GPR157: variants seen among roughly 807,000 people sequenced by gnomAD.
GPR157 encodes the protein G protein-coupled receptor 157, also known as G-protein coupled receptor 157.
In GPR157, 16 loss-of-function variants were observed where a neutral mutation model predicts 23.5. The ratio of observed to expected loss-of-function variants is 0.68; its 90% CI spans 0.46 to 1.04. The LOEUF (loss-of-function observed/expected upper bound fraction) is 1.04. GPR157 is among the 50% of genes least tolerant of loss of function. GPR157 has a pLI of 0.00. For synonymous variants in GPR157, 200 were observed against 221.5 expected (o/e 0.90, Z 0.86); for missense variants, 440 against 460.7 (o/e 0.96, Z 0.41).
In GPR157 at chr1:9,125,609, C is replaced by T. The variant is rs1189371985; in HGVS notation, c.383+3036G>A. Among the ~76,000 whole-genome samples the T allele has an allele frequency of 2.0e-5, 3 of 152,184 alleles. No homozygotes were observed. In the East Asian group the frequency reaches 5.8e-4, roughly 29 times the overall value. On this transcript the variant is annotated intron_variant, in intron 1 of 3. Coordinates refer to ENST00000377411, the MANE Select transcript of GPR157 (RefSeq NM_024980.5). Reference sequence around the variant, plus strand: ...CTGTAATCAGTGTTAGCGATGGTTTCTGTCACTTCGCATTGAATCATATCA... The same window carrying T: ...CTGTAATCAGTGTTAGCGATGGTTTTTGTCACTTCGCATTGAATCATATCA...
chr1:9,121,161 C>A (rs1055083871), intron 1 of GPR157, among the ~76,000 whole-genome samples: 1 of 151,858 alleles, frequency 6.6e-6, no homozygotes, highest in African/African-American at 2.4e-5. Flanking sequence ...GGTAAAATCC[C>A]GTCTTTACTA....
intron 2 of GPR157, 89 bp downstream of exon 2, chr1:9,111,187 T>C (rs1638482245): frequency 1.6e-6 from 2 of 1,235,784 alleles, no homozygotes; most frequent in African/African-American, 3.0e-5. Flanking sequence ...ACGCAACCTG[T>C]CCCCTCGGGG....
chr1:9,119,843 T>C (rs1638761818), intron 1 of GPR157, among the ~76,000 whole-genome samples: 1 of 152,224 alleles, frequency 6.6e-6, no homozygotes, highest in Admixed American at 6.5e-5. Context: ...GTGGAAGTAC[T>C]GCCGGGGATT....
intron 2 of GPR157, among the ~76,000 whole-genome samples, chr1:9,110,875 G>C (rs536898352): frequency 2.2e-4 from 33 of 151,762 alleles, no homozygotes; most frequent in Non-Finnish European, 4.3e-4. Flanking sequence ...CCGGCCTTGG[G>C]TCTGTCCTCA....
chr1:9,111,376 T>C lies in GPR157; in HGVS notation c.497A>G (p.His166Arg). Residue 166 changes from histidine to arginine, a missense_variant, in exon 2 of 4, where the codon CAT becomes CGT. Transcript: ENST00000377411. ...WCWIDLEAKD[H>R]VLWMLLTGKL... is the part of the protein sequence containing the mutation. ...CCCCGTCAGCAGCATCCACAGGACA[T>C]GGTCCTTGGCCTCCAGGTCGATCCA... 3 of 1,614,192 alleles carry C rather than the reference T, an allele frequency of 1.9e-6. No individual in the cohort carries two copies. The highest frequency in any genetic ancestry group is 2.5e-6 in the Non-Finnish European group (3 of 1,180,028).
chr1:9,111,598 G>C (rs1638498810), intron 1 of GPR157, 109 bp from the exon 2 acceptor site: 4 of 806,782 alleles, frequency 5.0e-6, no homozygotes, highest in Non-Finnish European at 8.1e-6. Context: ...ATGCTCTCCA[G>C]AGCCTGGATG....
chr1:9,124,589 C>T (rs1264510162), intron 1 of GPR157, among the ~76,000 whole-genome samples: 1 of 152,154 alleles, frequency 6.6e-6, no homozygotes, highest in Non-Finnish European at 1.5e-5. Context: ...ACGCCCTCAC[C>T]TATAAACACC....
chr1:9,111,551 T>C, intron 1 of GPR157, 62 bp from the exon 2 acceptor site: 4 of 1,390,028 alleles, frequency 2.9e-6, no homozygotes, highest in Non-Finnish European at 4.1e-6. Context: ...AATGTCAGCC[T>C]TCGCAAAAAT....
intron 1 of GPR157, among the ~76,000 whole-genome samples, chr1:9,116,266 A>AATTATAT (rs1237962071): frequency 6.3e-4 from 7 of 11,066 alleles, no homozygotes; most frequent in South Asian, 4.6e-3. Context: ...TATTATATAT[A>AATTATAT]ATATAATTAT....
At chr1:9,104,656 T>C (rs1638231070) in intron 3 of GPR157, 22 bp from the exon 4 acceptor site, 1 of 1,547,324 alleles carries the variant, frequency 6.5e-7, no homozygotes, top group Non-Finnish European at 8.8e-7. Context: ...AAAGGAGCTG[T>C]GAGCATGGGG....
intron 1 of GPR157, among the ~76,000 whole-genome samples, chr1:9,117,387 T>C (rs1394963373): frequency 2.0e-5 from 3 of 152,216 alleles, no homozygotes; most frequent in Non-Finnish European, 4.4e-5. Flanking sequence ...CACCCTGAGC[T>C]GCAGGTAGTC....
In GPR157 at chr1:9,123,172, A is replaced by ATATAT. The variant is rs1312673043; in HGVS notation, c.383+5472_383+5473insATATA. Among the ~76,000 whole-genome samples, 4 of 125,498 alleles carry ATATAT rather than the reference A, an allele frequency of 3.2e-5. No individual in the cohort carries two copies. In the South Asian group the frequency reaches 7.2e-4, roughly 23 times the overall value. The allele number at this position is 125,498 out of a possible 152,430, so 82.3% of individuals were successfully genotyped here. On this transcript the variant is annotated intron_variant, in intron 1 of 3. Transcript: ENST00000377411. ...AAACTGTCTTGGGTGGGAAAAAAAAAAAATATATATATATATATATAAATA... is the reference window on the plus strand; with the variant it reads ...AAACTGTCTTGGGTGGGAAAAAAAAATATATAAATATATATATATATATATAAATA...
chr1:9,103,331 T>C lies in GPR157; in HGVS notation c.*1088A>G, dbSNP rs2124503291. Reference sequence around the variant, plus strand: ...GACGTGCATCACCATGCCTGGCTAATTTTTGTATTTTTAGTAGAGACAGGG... The same window carrying C: ...GACGTGCATCACCATGCCTGGCTAACTTTTGTATTTTTAGTAGAGACAGGG... On this transcript the variant is annotated 3_prime_UTR_variant, in exon 4 of 4. Coordinates refer to ENST00000377411, the MANE Select transcript of GPR157 (RefSeq NM_024980.5). 6.6e-6 allele frequency: 1 copy of C among 152,264 alleles called. No homozygotes were observed. The highest frequency in any genetic ancestry group is 6.5e-5 in the Admixed American group (1 of 15,282). 9.4% of individuals were successfully genotyped at this position (152,264 alleles called of 1,614,324 possible). A position where few individuals can be genotyped will look rare whatever the true frequency, so the allele number is the denominator to read the frequency against.
rs1638775336 is a variant in GPR157, at chr1:9,120,479, G to T, written c.383+8166C>A. 6.6e-6 allele frequency among the ~76,000 whole-genome samples: 1 copy of T among 152,204 alleles called. No individual in the cohort carries two copies. The highest frequency in any genetic ancestry group is 2.1e-4 in the South Asian group (1 of 4,826). On this transcript the variant is annotated intron_variant, in intron 1 of 3. Transcript: ENST00000377411. The surrounding 1 kb of genome is among the most constrained non-coding windows in gnomAD (Gnocchi z 4.1). ...AAAAACCTCAGGACAGAGCAGGGCT[G>T]GGGGAAGCCCAGCTGTAGGGAGTGA...
At chr1:9,108,103 C>A (rs548561632) in intron 2 of GPR157, among the ~76,000 whole-genome samples, 39 of 152,214 alleles carry the variant, frequency 2.6e-4, no homozygotes, top group African/African-American at 8.9e-4. Context: ...ACAAAAAATG[C>A]ATTTTTGAGC....
intron 1 of GPR157, among the ~76,000 whole-genome samples, chr1:9,123,274 A>T (rs1209347902): frequency 4.1e-4 from 9 of 21,884 alleles, no homozygotes; most frequent in Admixed American, 6.8e-4. Flanking sequence ...ATATATATTT[A>T]AATATATATT....
rs758949486 is a variant in GPR157, at chr1:9,128,851, G to C, written c.177C>G (p.Leu59=). The C allele has an allele frequency of 6.3e-7, 1 of 1,592,300 alleles. No individual in the cohort carries two copies. Among genetic ancestry groups the C allele is most frequent in the African/African-American group, 1.3e-5 (1 of 74,432 alleles). The change falls in exon 1 of 4, where the codon CTC becomes CTG. Residue 59 remains leucine, a synonymous_variant. Coordinates refer to ENST00000377411, the MANE Select transcript of GPR157 (RefSeq NM_024980.5). The surrounding 1 kb of genome is among the most constrained non-coding windows in gnomAD (Gnocchi z 6.3). The part of the protein sequence containing the change: ...LLLFLSLADL[L]SAASYFYGVL... ...CTCCGTAGAAGTAGGAGGCGGCCGAGAGCAGGTCGGCCAGCGACAGGAAGA... is the reference window on the plus strand; with the variant it reads ...CTCCGTAGAAGTAGGAGGCGGCCGACAGCAGGTCGGCCAGCGACAGGAAGA...
In GPR157 at chr1:9,104,690, C is replaced by A. The variant is rs61785822; in HGVS notation, c.793-56G>T. On this transcript the variant is annotated intron_variant, in intron 3 of 3. Coordinates refer to ENST00000377411, the MANE Select transcript of GPR157 (RefSeq NM_024980.5). ...GGCTGGAGTTGGTCTCAGAAACACA[C>A]GCGCTGTTGCAATTAAGAGAAACGG... is the stretch of plus-strand genomic sequence containing the variant. The A allele has an allele frequency of 3.0e-6, 4 of 1,314,862 alleles. No individual in the cohort carries two copies. The Admixed American group carries it at 8.7e-5, about 29-fold the overall frequency. The allele number at this position is 1,314,862 out of a possible 1,614,324, so 81.4% of individuals were successfully genotyped here. A position where few individuals can be genotyped will look rare whatever the true frequency, so the allele number is the denominator to read the frequency against.
chr1:9,110,917 C>A (rs1638473339), intron 2 of GPR157, among the ~76,000 whole-genome samples: 1 of 152,236 alleles, frequency 6.6e-6, no homozygotes, highest in Non-Finnish European at 1.5e-5. Flanking sequence ...GTTTAAGCAG[C>A]CACCACAGGC....
Sources: gnomAD v4.1 joint callset for allele counts (sites outside exome capture counted in the v4.1 genomes callset) on GRCh38, gnomAD v4.1.1 for gene constraint, Gnocchi (gnomAD v3.1) non-coding constraint, MANE v1.5 for transcripts, NCBI Gene and HGNC (gene_info 2026-07-23, HGNC 2026-07-21) for gene names.